The following RTTN variants were observed in gnomAD, a reference collection of about 807,000 sequenced individuals.
The protein encoded by RTTN is rotatin.
In RTTN, 182 loss-of-function variants were observed where a neutral mutation model predicts 269.2. The ratio of observed to expected loss-of-function variants is 0.68; its 90% confidence interval spans 0.60 to 0.76. The LOEUF is 0.76. RTTN is among the 30% of genes least tolerant of loss of function. The pLI is 0.00. For missense variants in RTTN, 2,545 were observed against 2,608.6 expected, an observed-to-expected ratio of 0.98 and a Z score of 0.53; for synonymous variants, 1,006 against 963.5, an observed-to-expected ratio of 1.04 and a Z score of -0.82.
intron 9 of RTTN, among the ~76,000 whole-genome samples, chr18:70,189,636 G>A (rs1036552211): frequency 6.6e-6 from 1 of 152,094 alleles, no homozygotes; most frequent in Non-Finnish European, 1.5e-5. Context: ...GCTTTTAGCC[G>A]TTTGACTTCA....
intron 40 of RTTN, among the ~76,000 whole-genome samples, chr18:70,032,915 C>G (rs1169776115): frequency 6.6e-6 from 1 of 152,208 alleles, no homozygotes; most frequent in Admixed American, 6.5e-5. Flanking sequence ...CTAAAATCAA[C>G]CACACAATCA....
At chr18:70,040,304 CA>C (rs60829502) in intron 40 of RTTN, among the ~76,000 whole-genome samples, 1 of 149,066 alleles carries the variant, frequency 6.7e-6, no homozygotes, top group Non-Finnish European at 1.5e-5. Context: ...CCAATGAAAA[CA>C]AAAAAAAAAT....
chr18:70,068,307 C>A lies in RTTN; in HGVS notation c.4654-2385G>T, dbSNP rs192536771. On this transcript the variant is annotated intron_variant, in intron 34 of 48. Coordinates refer to ENST00000640769, the MANE Select transcript of RTTN (RefSeq NM_173630.4). ...TACTGGAAGGTGCAGTATGAGCCTACGAAGCTATAGGTACAAAAAGCCTGA... is the reference window on the plus strand; with the variant it reads ...TACTGGAAGGTGCAGTATGAGCCTAAGAAGCTATAGGTACAAAAAGCCTGA... Among the ~76,000 whole-genome samples, 595 of 152,220 alleles carry A rather than the reference C, an allele frequency of 3.9e-3. 13 individuals carry two copies. Among genetic ancestry groups the A allele is most frequent in the Admixed American group, 0.036 (551 of 15,292 alleles).
chr18:70,203,456 A>G (rs2062003161), intron 3 of RTTN, among the ~76,000 whole-genome samples: 1 of 152,186 alleles, frequency 6.6e-6, no homozygotes, highest in Admixed American at 6.5e-5. Flanking sequence ...GGCTTCCCAA[A>G]GTGCCGGGAT....
At chr18:70,010,006 A>G (rs112332475) in intron 46 of RTTN, among the ~76,000 whole-genome samples, 5,942 of 152,292 alleles carry the variant, frequency 0.039, 206 homozygotes, top group African/African-American at 0.095. Flanking sequence ...TTACATAATG[A>G]TAAAGGGATC....
intron 14 of RTTN, among the ~76,000 whole-genome samples, chr18:70,161,496 T>C (rs1832137526): frequency 6.6e-6 from 1 of 152,126 alleles, no homozygotes; most frequent in Non-Finnish European, 1.5e-5. Context: ...TGGGACCTAA[T>C]GAAACTAAAA....
At chr18:70,054,785 C>T (rs2057770276) in intron 37 of RTTN, among the ~76,000 whole-genome samples, 1 of 152,056 alleles carries the variant, frequency 6.6e-6, no homozygotes, top group African/African-American at 2.4e-5. Flanking sequence ...CACCACTGAA[C>T]TCCAGCCTGG....
chr18:70,090,480 G>A (rs780453751), intron 30 of RTTN, among the ~76,000 whole-genome samples: 3 of 152,168 alleles, frequency 2.0e-5, no homozygotes, highest in Non-Finnish European at 4.4e-5. Flanking sequence ...GATGTGAGAT[G>A]ATACAATGAT....
chr18:70,006,528 T>G, intron 46 of RTTN, 44 bp from the exon 47 acceptor site: 1 of 1,397,252 alleles, frequency 7.2e-7, no homozygotes, highest in South Asian at 1.2e-5. Flanking sequence ...TCCCAGACAC[T>G]GCATTGTATT....
At chr18:70,184,693 A>G (rs2061493024) in intron 10 of RTTN, among the ~76,000 whole-genome samples, 1 of 115,594 alleles carries the variant, frequency 8.7e-6, no homozygotes, top group Admixed American at 9.4e-5. Flanking sequence ...TCCATTCAAA[A>G]CCACAGCAGG....
chr18:70,114,542 T>C lies in RTTN; in HGVS notation c.3586A>G (p.Thr1196Ala), dbSNP rs749027805. 1.9e-6 allele frequency: 3 copies of C among 1,613,696 alleles called. No homozygotes were observed. The highest frequency in any genetic ancestry group is 1.7e-4 in the Middle Eastern group (1 of 6,060). Reference protein sequence around the residue: ...VLTESQAREETDDIRTAVRQQ... With the variant: ...VLTESQAREEADDIRTAVRQQ... Reference sequence around the variant, plus strand: ...CTGACAGCAGTCCGGATATCATCTGTTTCTTCTCGTGCCTGTGACTCTGTC... The same window carrying C: ...CTGACAGCAGTCCGGATATCATCTGCTTCTTCTCGTGCCTGTGACTCTGTC... Residue 1196 changes from threonine to alanine, a missense_variant, in exon 27 of 49, where the codon ACA (threonine) becomes GCA (alanine). Coordinates refer to ENST00000640769, the MANE Select transcript of RTTN (RefSeq NM_173630.4).
chr18:70,076,244 C>A (rs1223571145), intron 32 of RTTN, among the ~76,000 whole-genome samples: 1 of 152,008 alleles, frequency 6.6e-6, no homozygotes, highest in South Asian at 2.1e-4. Context: ...TGCAAATAAT[C>A]CTACCATTAG....
At chr18:70,160,224 G>C (rs1010139375) in intron 14 of RTTN, among the ~76,000 whole-genome samples, 4 of 151,546 alleles carry the variant, frequency 2.6e-5, no homozygotes, top group Non-Finnish European at 4.4e-5. Flanking sequence ...ACAGCAAAAA[G>C]CTAATCCACC....
chr18:70,160,587 A>C (rs147938094), intron 14 of RTTN, among the ~76,000 whole-genome samples: 1,899 of 152,042 alleles, frequency 0.012, 17 homozygotes, highest in Non-Finnish European at 0.02. Flanking sequence ...CAATCAGGCA[A>C]GAAAAATAAA....
At chr18:70,157,044 C>CA (rs562048582) in intron 14 of RTTN, among the ~76,000 whole-genome samples, 53 of 152,294 alleles carry the variant, frequency 3.5e-4, no homozygotes, top group Admixed American at 3.1e-3. Context: ...GCCTTCCTGT[C>CA]AGAGCGCTTT....
intron 46 of RTTN, chr18:70,008,773 C>T (rs1345191961): frequency 6.6e-6 from 1 of 150,784 alleles, no homozygotes; most frequent in Admixed American, 6.6e-5. Context: ...AAAGAAGCAA[C>T]CTATGTTTGA....
At chr18:70,013,964 A>C (rs2056469035) in intron 46 of RTTN, among the ~76,000 whole-genome samples, 1 of 152,080 alleles carries the variant, frequency 6.6e-6, no homozygotes, top group South Asian at 2.1e-4. Flanking sequence ...ATTCTGGATA[A>C]TATTTTTCTA....
At chr18:70,178,211 A>G (rs2061347248) in intron 10 of RTTN, among the ~76,000 whole-genome samples, 3 of 152,244 alleles carry the variant, frequency 2.0e-5, no homozygotes, top group Admixed American at 2.0e-4. Flanking sequence ...CCTTGGCGAC[A>G]GAGCAAGACT....
At chr18:70,173,606 G>A (rs1225155511) in intron 11 of RTTN, among the ~76,000 whole-genome samples, 1 of 151,942 alleles carries the variant, frequency 6.6e-6, no homozygotes, top group Non-Finnish European at 1.5e-5. Context: ...ATAAGGAATA[G>A]TTTTCTAGTT....
Sources: gnomAD v4.1 joint callset for allele counts (sites outside exome capture counted in the v4.1 genomes callset) on GRCh38, gnomAD v4.1.1 for gene constraint, MANE v1.5 for transcripts, NCBI Gene and HGNC (gene_info 2026-07-23, HGNC 2026-07-21) for gene names.